GTF2I: variants seen among roughly 807,000 people sequenced by gnomAD.
The protein encoded by GTF2I is general transcription factor II-I.
A neutral mutation model predicts 67.6 loss-of-function variants in GTF2I; 12 were observed. The observed-to-expected ratio is 0.18, with a 90% CI of 0.11 to 0.29. The LOEUF (loss-of-function observed/expected upper bound fraction) is 0.29, where lower values mean the gene tolerates loss of function less well. Ranked by LOEUF, GTF2I falls within the 10% of genes least tolerant of loss-of-function variation. GTF2I has a pLI of 1.00. For synonymous variants in GTF2I, 149 were observed against 197.0 expected (o/e 0.76, Z 2.04); for missense variants, 271 against 580.1 (o/e 0.47, Z 5.47).
chr7:74,698,963 G>A lies in GTF2I; in HGVS notation c.241G>A (p.Val81Ile), dbSNP rs200063075. Residue 81 changes from valine to isoleucine, a missense_variant and splice_region_variant, in exon 4 of 35, where the codon GTT becomes ATT. Physicochemically the swap from Val to Ile is conservative, Grantham distance 29. Around this residue, in one of 9 missense-constraint regions of GTF2I, gnomAD observed 72 missense variants for 87.4 expected, o/e 0.82. Transcript: ENST00000573035. Reference sequence around the variant, plus strand: ...TTTATTTTTTATTTTTTTTACAGGTGTTGAAGAAGAAGAAAAAGCTGCAGA... The same window carrying A: ...TTTATTTTTTATTTTTTTTACAGGTATTGAAGAAGAAGAAAAAGCTGCAGA... ...DFQKDFVKYC[V>I]EEEEKAAEMH... The A allele has an allele frequency of 4.5e-6, 6 of 1,347,162 alleles. No individual in the cohort carries two copies. The highest frequency in any genetic ancestry group is 5.9e-6 in the Non-Finnish European group (6 of 1,017,414). The allele number at this position is 1,347,162 out of a possible 1,614,324, so 83.5% of individuals were successfully genotyped here. A position where few individuals can be genotyped will look rare whatever the true frequency, so the allele number is the denominator to read the frequency against.
chr7:74,661,659 G>A (rs1238171732), intron 1 of GTF2I, among the ~76,000 whole-genome samples: 2 of 148,082 alleles, frequency 1.4e-5, no homozygotes, highest in African/African-American at 5.0e-5. Flanking sequence ...CAGCCTGGGC[G>A]ACAGAGCGAG....
intron 8 of GTF2I, 44 bp downstream of exon 8, chr7:74,706,477 A>T (rs373935861): frequency 8.4e-6 from 12 of 1,425,516 alleles, no homozygotes; most frequent in Non-Finnish European, 9.9e-6. Context: ...ATTAAGGAAG[A>T]CTTTTCCTTA....
chr7:74,659,114 G>T (rs185494366), intron 1 of GTF2I, among the ~76,000 whole-genome samples: 2 of 152,056 alleles, frequency 1.3e-5, no homozygotes, highest in Non-Finnish European at 2.9e-5. Flanking sequence ...GTGGAGATGC[G>T]TTCTCACTTT....
chr7:74,752,012 AAC>A (rs1795823133), intron 27 of GTF2I, 76 bp from the exon 28 acceptor site: 4 of 470,766 alleles, frequency 8.5e-6, no homozygotes, highest in African/African-American at 4.8e-5. Flanking sequence ...ACTGAGATAA[AAC>A]AGTCTCAGAC....
chr7:74,696,215 C>T (rs781824022), intron 3 of GTF2I, among the ~76,000 whole-genome samples: 5 of 152,040 alleles, frequency 3.3e-5, no homozygotes, highest in African/African-American at 4.8e-5. Flanking sequence ...CTCCTTACCT[C>T]AAGTGATCCA....
intron 3 of GTF2I, among the ~76,000 whole-genome samples, chr7:74,698,198 A>G (rs1584176783): frequency 2.0e-5 from 3 of 151,274 alleles, no homozygotes; most frequent in Non-Finnish European, 3.0e-5. Context: ...CTCGTGATCC[A>G]CCCGCCTCGG....
chr7:74,720,708 G>C (rs782558878), intron 12 of GTF2I, among the ~76,000 whole-genome samples: 4 of 149,298 alleles, frequency 2.7e-5, no homozygotes, highest in African/African-American at 9.8e-5. Flanking sequence ...TAACCATTTT[G>C]ATTTGTCAAA....
intron 9 of GTF2I, among the ~76,000 whole-genome samples, chr7:74,711,817 C>T (rs1330829068): frequency 6.6e-6 from 1 of 152,026 alleles, no homozygotes; most frequent in Non-Finnish European, 1.5e-5. Flanking sequence ...TATTGTATGC[C>T]TGAGTCAAAA....
At chr7:74,708,502 G>A (rs1184622661) in intron 8 of GTF2I, among the ~76,000 whole-genome samples, 1 of 152,138 alleles carries the variant, frequency 6.6e-6, no homozygotes, top group Non-Finnish European at 1.5e-5. Flanking sequence ...GCTGCTTCTG[G>A]TAGTGTTGGA....
At chr7:74,678,828 G>A (rs112245504) in intron 1 of GTF2I, among the ~76,000 whole-genome samples, 14 of 152,220 alleles carry the variant, frequency 9.2e-5, no homozygotes, top group African/African-American at 3.4e-4. Context: ...CTGGAGTGCA[G>A]TGGCGCGATC....
Position 74,721,110 on chromosome 7 carries a change from C to T in GTF2I, c.943+2169C>T, listed in dbSNP as rs587756007. The stretch of plus-strand genomic sequence containing the variant: ...AGGCTGGAGTGCATTGGCGCTATCT[C>T]GGCTCACCGCAACCTCCGCCTCGCA... On this transcript the variant is annotated intron_variant, in intron 12 of 34. Coordinates refer to ENST00000573035, the MANE Select transcript of GTF2I (RefSeq NM_032999.4). Among the ~76,000 whole-genome samples, 16 of 152,274 alleles carry T rather than the reference C, an allele frequency of 1.1e-4. No individual in the cohort carries two copies. The South Asian group carries it at 1.4e-3, about 14-fold the overall frequency.
rs184619790 is a variant in GTF2I, at chr7:74,664,993, G to A, written c.-6+6925G>A. On this transcript the variant is annotated intron_variant, in intron 1 of 34. Coordinates refer to ENST00000573035, the MANE Select transcript of GTF2I (RefSeq NM_032999.4). ...TTTTGCTCTTGTTGCCCAGGCTGGAGTGTAGTGGCGCGCCTGGCTCACCGC... is the reference window on the plus strand; with the variant it reads ...TTTTGCTCTTGTTGCCCAGGCTGGAATGTAGTGGCGCGCCTGGCTCACCGC... Among the ~76,000 whole-genome samples, 16 of 151,064 alleles carry A rather than the reference G, an allele frequency of 1.1e-4. No individual in the cohort carries two copies. In the East Asian group the frequency reaches 3.0e-3, roughly 28 times the overall value.
intron 8 of GTF2I, among the ~76,000 whole-genome samples, chr7:74,708,313 C>G (rs1289052663): frequency 6.6e-6 from 1 of 152,038 alleles, no homozygotes; most frequent in Non-Finnish European, 1.5e-5. Flanking sequence ...CAAAACAAAA[C>G]AAACAAAAAC....
chr7:74,680,099 A>AAAAAAT, intron 1 of GTF2I, among the ~76,000 whole-genome samples: 8 of 94,984 alleles, frequency 8.4e-5, no homozygotes, highest in African/African-American at 2.8e-4. Flanking sequence ...AAAAAAAAAA[A>AAAAAAT]ATATATATAT....
At chr7:74,701,190 C>G (rs1240269332) in intron 6 of GTF2I, among the ~76,000 whole-genome samples, 1 of 152,122 alleles carries the variant, frequency 6.6e-6, no homozygotes, top group East Asian at 1.9e-4. Context: ...CGGATTTCAG[C>G]TTCCTTTAGG....
intron 11 of GTF2I, 135 bp downstream of exon 11, chr7:74,717,085 G>GT: frequency 7.7e-7 from 1 of 1,290,754 alleles, no homozygotes; most frequent in Middle Eastern, 2.2e-4. Flanking sequence ...TAGCCAACAG[G>GT]TTATTATTTT....
intron 8 of GTF2I, among the ~76,000 whole-genome samples, chr7:74,709,027 A>G (rs1791162154): frequency 6.6e-6 from 1 of 152,170 alleles, no homozygotes; most frequent in East Asian, 1.9e-4. Flanking sequence ...ATGCAGTGCA[A>G]ACCTATTTGA....
chr7:74,708,840 C>T (rs1791128283), intron 8 of GTF2I, among the ~76,000 whole-genome samples: 1 of 152,150 alleles, frequency 6.6e-6, no homozygotes, highest in African/African-American at 2.4e-5. Context: ...GCACATTTGA[C>T]CTTCTGTACA....
chr7:74,704,325 C>G (rs1297675169), intron 6 of GTF2I, among the ~76,000 whole-genome samples: 2 of 136,396 alleles, frequency 1.5e-5, no homozygotes, highest in Non-Finnish European at 3.2e-5. Flanking sequence ...GAGTCTTGCT[C>G]TGTCGCCCAG....
Sources: gnomAD v4.1 joint callset for allele counts (sites outside exome capture counted in the v4.1 genomes callset) on GRCh38, gnomAD v4.1.1 for gene constraint, gnomAD v4.1.1 regional missense constraint, MANE v1.5 for transcripts, NCBI Gene and HGNC (gene_info 2026-07-23, HGNC 2026-07-21) for gene names.